Variants in KHDRBS2 observed in about 807,000 individuals in gnomAD.
KHDRBS2 encodes the protein KH RNA binding domain containing, signal transduction associated 2.
A neutral mutation model predicts 44.3 loss-of-function variants in KHDRBS2; 26 were observed. The observed-to-expected ratio is 0.59, with a 90% CI of 0.43 to 0.81. The LOEUF (loss-of-function observed/expected upper bound fraction) is 0.81. Ranked by LOEUF, KHDRBS2 falls within the 40% of genes least tolerant of loss-of-function variation. KHDRBS2 has a pLI of 0.00. For synonymous variants in KHDRBS2, 194 were observed against 151.1 expected, an observed-to-expected ratio of 1.28 and a Z score of -2.08; for missense variants, 476 against 433.1, an observed-to-expected ratio of 1.10 and a Z score of -0.88.
chr6:61,875,672 CAT>C (rs1191001172), intron 6 of KHDRBS2, among the ~76,000 whole-genome samples: 7 of 152,196 alleles, frequency 4.6e-5, no homozygotes, highest in Middle Eastern at 3.4e-3. Flanking sequence ...GACTACAACA[CAT>C]GTCATTAAAA....
At chr6:61,827,619 A>G (rs1357631629) in intron 6 of KHDRBS2, among the ~76,000 whole-genome samples, 1 of 152,218 alleles carries the variant, frequency 6.6e-6, no homozygotes, top group East Asian at 1.9e-4. Flanking sequence ...AACACCATAG[A>G]CTGGGTGGAT....
the KHDRBS2 span, among the ~76,000 whole-genome samples, chr6:61,564,107 C>T: frequency 2.7e-4 from 41 of 152,176 alleles, no homozygotes; most frequent in African/African-American, 8.2e-4. Flanking sequence ...CTGTTAAATG[C>T]CTCAGCCATG....
chr6:62,179,466 C>T (rs545095702), intron 1 of KHDRBS2, among the ~76,000 whole-genome samples: 6 of 151,784 alleles, frequency 4.0e-5, no homozygotes, highest in Admixed American at 6.6e-5. Context: ...AATACAACCA[C>T]AATTATGATA....
chr6:61,852,375 C>A (rs1795561530), intron 6 of KHDRBS2, among the ~76,000 whole-genome samples: 1 of 151,968 alleles, frequency 6.6e-6, no homozygotes, highest in Non-Finnish European at 1.5e-5. Flanking sequence ...ACAATCCTGG[C>A]CAACATGGTG....
chr6:61,612,770 T>C, the KHDRBS2 span, among the ~76,000 whole-genome samples: 8 of 150,404 alleles, frequency 5.3e-5, no homozygotes, highest in Admixed American at 1.3e-4. Flanking sequence ...TGGACCTAAA[T>C]ATTACAGCTG....
intron 2 of KHDRBS2, among the ~76,000 whole-genome samples, chr6:62,169,059 A>ATATATATG (rs1338584117): frequency 7.2e-6 from 1 of 139,624 alleles, no homozygotes; most frequent in Non-Finnish European, 1.6e-5. Context: ...ATATATATAT[A>ATATATATG]TATGTATACA....
chr6:61,544,368 C>G, the KHDRBS2 span, among the ~76,000 whole-genome samples: 1 of 152,066 alleles, frequency 6.6e-6, no homozygotes, highest in South Asian at 2.1e-4. Flanking sequence ...CTTATGGAAC[C>G]GTTAATCTCA....
At chr6:62,183,787 T>C (rs1178809367) in intron 1 of KHDRBS2, among the ~76,000 whole-genome samples, 1 of 151,668 alleles carries the variant, frequency 6.6e-6, no homozygotes, top group Non-Finnish European at 1.5e-5. Flanking sequence ...AATGCCAGTA[T>C]TCAATGTTTT....
At chr6:61,964,611 A>G (rs1463605926) in intron 4 of KHDRBS2, among the ~76,000 whole-genome samples, 3 of 152,092 alleles carry the variant, frequency 2.0e-5, no homozygotes, top group African/African-American at 7.2e-5. Context: ...ATTGCTTGTG[A>G]TTTGATTTTT....
chr6:61,739,764 A>G (rs1775886105), intron 6 of KHDRBS2, among the ~76,000 whole-genome samples: 1 of 151,948 alleles, frequency 6.6e-6, no homozygotes, highest in Admixed American at 6.6e-5. Flanking sequence ...CCACATTAGC[A>G]CTGAAAACAG....
chr6:61,953,452 G>C (rs1187262354), intron 4 of KHDRBS2, among the ~76,000 whole-genome samples: 1 of 151,868 alleles, frequency 6.6e-6, no homozygotes, highest in African/African-American at 2.4e-5. Flanking sequence ...TGCTGACTCA[G>C]AACCATCTAA....
chr6:61,609,595 A>G, the KHDRBS2 span, among the ~76,000 whole-genome samples: 8 of 152,174 alleles, frequency 5.3e-5, no homozygotes, highest in Admixed American at 1.3e-4. Context: ...TAAAATTTGT[A>G]TGCTATTCTA....
intron 2 of KHDRBS2, among the ~76,000 whole-genome samples, chr6:62,135,893 A>T (rs1811414427): frequency 6.6e-6 from 1 of 152,122 alleles, no homozygotes; most frequent in Admixed American, 6.5e-5. Flanking sequence ...AACAGAGTAG[A>T]AAGGTGGGGT....
At chr6:61,902,026 G>T (rs1316422011) in intron 4 of KHDRBS2, among the ~76,000 whole-genome samples, 1 of 152,024 alleles carries the variant, frequency 6.6e-6, no homozygotes, top group Admixed American at 6.6e-5. Flanking sequence ...CATGATCTTG[G>T]CTCACTGCCG....
intron 6 of KHDRBS2, among the ~76,000 whole-genome samples, chr6:61,762,536 A>G (rs888864906): frequency 4.6e-5 from 7 of 151,558 alleles, no homozygotes; most frequent in Non-Finnish European, 1.0e-4. Flanking sequence ...TGAATCTTGC[A>G]CCTCCCTCTC....
intron 4 of KHDRBS2, among the ~76,000 whole-genome samples, chr6:61,954,938 GTATGTGTATACATATATA>G (rs1442092910): frequency 3.5e-5 from 1 of 28,900 alleles, no homozygotes; most frequent in Non-Finnish European, 6.2e-5. Flanking sequence ...ACATACATAT[GTATGTGTATACATATATA>G]TGTATATATA....
intron 2 of KHDRBS2, among the ~76,000 whole-genome samples, chr6:62,078,930 T>A (rs1488446029): frequency 6.6e-6 from 1 of 152,084 alleles, no homozygotes; most frequent in Non-Finnish European, 1.5e-5. Flanking sequence ...GCTATATTTT[T>A]AAGCTATTTC....
chr6:61,945,115 A>ATATATATG (rs1813036628), intron 4 of KHDRBS2, among the ~76,000 whole-genome samples: 1 of 52,580 alleles, frequency 1.9e-5, no homozygotes, highest in Non-Finnish European at 3.5e-5. Context: ...AAAAAAAAGT[A>ATATATATG]TATATATATA....
chr6:61,645,617 C>A, the KHDRBS2 span, among the ~76,000 whole-genome samples: 1 of 151,498 alleles, frequency 6.6e-6, no homozygotes, highest in African/African-American at 2.4e-5. Context: ...CAAAGTGTTT[C>A]CTTGAATGTT....
Sources: gnomAD v4.1 joint callset for allele counts (sites outside exome capture counted in the v4.1 genomes callset) on GRCh38, gnomAD v4.1.1 for gene constraint, MANE v1.5 for transcripts, NCBI Gene and HGNC (gene_info 2026-07-23, HGNC 2026-07-21) for gene names.